SUCLG1: variants seen among roughly 807,000 people sequenced by gnomAD.
The protein encoded by SUCLG1 is succinate--CoA ligase [ADP/GDP-forming] subunit alpha, mitochondrial.
Under a neutral mutation model 37.3 loss-of-function variants are expected in SUCLG1, and 26 were observed. The observed-to-expected ratio is 0.70, with a 90% CI of 0.51 to 0.97. The LOEUF is 0.97. SUCLG1 is among the 50% of genes least tolerant of loss of function. The pLI, the probability that SUCLG1 is intolerant of heterozygous loss-of-function variation, is 0.00. For missense variants in SUCLG1, 433 were observed against 432.9 expected, an observed-to-expected ratio of 1.00 and a Z score of 0.00; for synonymous variants, 163 against 155.6, an observed-to-expected ratio of 1.05 and a Z score of -0.36.
chr2:84,434,572 T>C (rs1173026231), intron 5 of SUCLG1, among the ~76,000 whole-genome samples: 1 of 152,190 alleles, frequency 6.6e-6, no homozygotes, highest in Admixed American at 6.5e-5. Flanking sequence ...CCACAATCTA[T>C]GTAATACTTT....
chr2:84,441,038 C>G lies in SUCLG1; in HGVS notation c.589+9G>C, dbSNP rs1384378092. The G allele has an allele frequency of 1.2e-6, 2 of 1,613,646 alleles. No individual in the cohort carries two copies. The highest frequency in any genetic ancestry group is 1.3e-5 in the African/African-American group (1 of 74,932). On this transcript the variant is annotated intron_variant, in intron 5 of 8. Coordinates refer to ENST00000393868, the MANE Select transcript of SUCLG1 (RefSeq NM_003849.4). ...TTTTAATCTATAAGAATGTAACAAACAAACTCACCAATCCTTCCTTTTTTG... is the reference window on the plus strand; with the variant it reads ...TTTTAATCTATAAGAATGTAACAAAGAAACTCACCAATCCTTCCTTTTTTG...
intron 5 of SUCLG1, among the ~76,000 whole-genome samples, chr2:84,439,640 A>G (rs1672738009): frequency 6.6e-6 from 1 of 152,248 alleles, no homozygotes; most frequent in Non-Finnish European, 1.5e-5. Context: ...TAAACTGCAC[A>G]GCCGACACCC....
intron 3 of SUCLG1, among the ~76,000 whole-genome samples, chr2:84,443,010 T>C (rs2104256272): frequency 6.6e-6 from 1 of 152,318 alleles, no homozygotes; most frequent in Middle Eastern, 3.4e-3. Flanking sequence ...GTTGCTGACA[T>C]TTGTACTACT....
intron 8 of SUCLG1, 46 bp from the exon 9 acceptor site, chr2:84,423,818 A>G: frequency 6.4e-7 from 1 of 1,571,800 alleles, no homozygotes; most frequent in East Asian, 2.2e-5. Flanking sequence ...ATGAATAAAG[A>G]TAAAAGATCC....
chr2:84,452,600 A>T (rs1672957172), intron 1 of SUCLG1, among the ~76,000 whole-genome samples: 1 of 152,244 alleles, frequency 6.6e-6, no homozygotes, highest in African/African-American at 2.4e-5. Context: ...AAACACCATC[A>T]CACACTACAT....
chr2:84,425,278 G>T, intron 8 of SUCLG1, 137 bp downstream of exon 8: 1 of 957,360 alleles, frequency 1.0e-6, no homozygotes, highest in Non-Finnish European at 1.6e-6. Context: ...CAATAGAGTT[G>T]ATACAAACTA....
chr2:84,448,698 GT>G (rs935573219), intron 2 of SUCLG1, among the ~76,000 whole-genome samples: 23 of 151,942 alleles, frequency 1.5e-4, no homozygotes, highest in African/African-American at 5.3e-4. Context: ...CTGTTCCAAT[GT>G]TTTAAAGTTC....
chr2:84,451,755 C>T (rs1007091638), intron 1 of SUCLG1, among the ~76,000 whole-genome samples: 2 of 152,176 alleles, frequency 1.3e-5, no homozygotes, highest in Non-Finnish European at 2.9e-5. Context: ...ATCTAATTAA[C>T]TAAATCTTGG....
intron 2 of SUCLG1, among the ~76,000 whole-genome samples, chr2:84,448,740 A>C (rs530554735): frequency 6.6e-6 from 1 of 152,042 alleles, no homozygotes; most frequent in Non-Finnish European, 1.5e-5. Flanking sequence ...AATTGTAAAT[A>C]CACAGACCAT....
At chr2:84,449,502 ACCT>A in intron 2 of SUCLG1, 144 bp downstream of exon 2, 1 of 579,352 alleles carries the variant, frequency 1.7e-6, no homozygotes, top group Non-Finnish European at 3.0e-6. Context: ...ATAGCAACTA[ACCT>A]CCTCCTGAGA....
intron 5 of SUCLG1, among the ~76,000 whole-genome samples, chr2:84,434,847 C>T (rs1325120494): frequency 6.6e-6 from 1 of 152,228 alleles, no homozygotes; most frequent in Non-Finnish European, 1.5e-5. Context: ...TATGCATAAA[C>T]ACATCTTCTC....
chr2:84,443,988 T>C (rs1011777969), intron 2 of SUCLG1, among the ~76,000 whole-genome samples: 2 of 152,228 alleles, frequency 1.3e-5, no homozygotes, highest in African/African-American at 4.8e-5. Context: ...TTGGACAGGA[T>C]GATTCTTTCT....
chr2:84,425,689 T>A lies in SUCLG1; in HGVS notation c.826-86A>T, dbSNP rs1033670607. The stretch of plus-strand genomic sequence containing the variant: ...AATTCATGACTCTGCTGGTAAATGG[T>A]AAATGGCTTGGGCAGGGGAAAGCCC... On this transcript the variant is annotated intron_variant, in intron 7 of 8. Coordinates refer to ENST00000393868, the MANE Select transcript of SUCLG1 (RefSeq NM_003849.4). The A allele has an allele frequency of 4.0e-6, 6 of 1,492,312 alleles. No individual in the cohort carries two copies. The African/African-American group carries it at 8.3e-5, about 21-fold the overall frequency. The allele number at this position is 1,492,312 out of a possible 1,614,324, so 92.4% of individuals were successfully genotyped here. A position where few individuals can be genotyped will look rare whatever the true frequency, so the allele number is the denominator to read the frequency against.
intron 7 of SUCLG1, 149 bp downstream of exon 7, chr2:84,431,359 C>CT: frequency 1.1e-6 from 1 of 876,724 alleles, no homozygotes; most frequent in Non-Finnish European, 1.8e-6. Context: ...ACAGAATTGT[C>CT]TGAGTGTCCA....
At chr2:84,448,170 G>GAAAAAAAAAAAAAAAAA (rs60206307) in intron 2 of SUCLG1, among the ~76,000 whole-genome samples, 3 of 137,714 alleles carry the variant, frequency 2.2e-5, no homozygotes, top group African/African-American at 8.1e-5. Flanking sequence ...AGTTATTTCA[G>GAAAAAAAAAAAAAAAAA]AAAAAAAAAA....
At position 84,423,725 on chromosome 2, in the gene SUCLG1, T is replaced by A; in HGVS notation, c.*21A>T. 6.3e-7 allele frequency: 1 copy of A among 1,595,596 alleles called. No individual in the cohort carries two copies. The highest frequency in any genetic ancestry group is 8.6e-7 in the Non-Finnish European group (1 of 1,167,698). ...ATGTCTACGTGATCCATTCCACAGT[T>A]TTAGGAATTTTTTTTTTCTTTCATA... is the stretch of plus-strand genomic sequence containing the variant. On this transcript the variant is annotated 3_prime_UTR_variant, in exon 9 of 9. Coordinates refer to ENST00000393868, the MANE Select transcript of SUCLG1 (RefSeq NM_003849.4).
chr2:84,445,562 A>C (rs1006832784), intron 2 of SUCLG1, among the ~76,000 whole-genome samples: 1 of 151,984 alleles, frequency 6.6e-6, no homozygotes, highest in Non-Finnish European at 1.5e-5. Context: ...CCCTCCATCT[A>C]CCCCATCTCA....
intron 2 of SUCLG1, among the ~76,000 whole-genome samples, chr2:84,443,929 T>C (rs1454630285): frequency 6.6e-6 from 1 of 152,186 alleles, no homozygotes; most frequent in Non-Finnish European, 1.5e-5. Flanking sequence ...CCAACCTGTA[T>C]TTCTCTATCC....
intron 5 of SUCLG1, among the ~76,000 whole-genome samples, chr2:84,435,031 C>G (rs1672664928): frequency 6.6e-6 from 1 of 152,202 alleles, no homozygotes; most frequent in South Asian, 2.1e-4. Context: ...CTCGACGATG[C>G]CTCACTTCAC....
Sources: gnomAD v4.1 joint callset for allele counts (sites outside exome capture counted in the v4.1 genomes callset) on GRCh38, gnomAD v4.1.1 for gene constraint, MANE v1.5 for transcripts, NCBI Gene and HGNC (gene_info 2026-07-23, HGNC 2026-07-21) for gene names.